The following GRIN2A variants were observed in gnomAD, a reference collection of about 807,000 sequenced individuals.
GRIN2A encodes glutamate receptor ionotropic, NMDA 2A.
In GRIN2A, 22 loss-of-function variants were observed where a neutral mutation model predicts 113.4. The ratio of observed to expected loss-of-function variants is 0.19; its 90% CI spans 0.14 to 0.28. The LOEUF (loss-of-function observed/expected upper bound fraction) is 0.28. GRIN2A is among the 10% of genes least tolerant of loss of function. The pLI, the probability that GRIN2A is intolerant of heterozygous loss-of-function variation, is 1.00. For synonymous variants in GRIN2A, 827 were observed against 738.4 expected, an observed-to-expected ratio of 1.12 and a Z score of -1.94; for missense variants, 1,502 against 1,887.0, an observed-to-expected ratio of 0.80 and a Z score of 3.78.
intron 2 of GRIN2A, 107 bp downstream of exon 2, chr16:10,179,891 C>CCCCCCCCA: frequency 1.4e-6 from 1 of 716,362 alleles, no homozygotes; most frequent in Non-Finnish European, 2.4e-6. Flanking sequence ...CACCCCCACC[C>CCCCCCCCA]CCACTTCACA....
At chr16:9,797,937 CT>C (rs1903101611) in intron 11 of GRIN2A, among the ~76,000 whole-genome samples, 2 of 152,160 alleles carry the variant, frequency 1.3e-5, no homozygotes, top group Non-Finnish European at 2.9e-5. Context: ...GCCCTTCACC[CT>C]TTGAGAACCA....
intron 3 of GRIN2A, among the ~76,000 whole-genome samples, chr16:9,933,463 C>G (rs550214063): frequency 6.6e-6 from 1 of 152,324 alleles, no homozygotes; most frequent in African/African-American, 2.4e-5. Flanking sequence ...AGTAACTCAC[C>G]ACGAAGATAT....
intron 2 of GRIN2A, among the ~76,000 whole-genome samples, chr16:10,166,828 C>T (rs1397038281): frequency 6.6e-6 from 1 of 152,170 alleles, no homozygotes; most frequent in Non-Finnish European, 1.5e-5. Flanking sequence ...TCCTCCTCAG[C>T]CTCCTCAATG....
chr16:9,869,485 T>A (rs1402905201), intron 4 of GRIN2A, among the ~76,000 whole-genome samples: 1 of 152,078 alleles, frequency 6.6e-6, no homozygotes, highest in Non-Finnish European at 1.5e-5. Context: ...ATGACCACCA[T>A]AACTATGATC....
intron 2 of GRIN2A, among the ~76,000 whole-genome samples, chr16:9,979,011 G>T (rs1297606089): frequency 2.6e-5 from 4 of 152,166 alleles, no homozygotes; most frequent in Admixed American, 2.6e-4. Context: ...TTGATTTCAG[G>T]AGCATGTGGG....
chr16:9,926,947 C>T (rs2044478902), intron 3 of GRIN2A, among the ~76,000 whole-genome samples: 1 of 150,802 alleles, frequency 6.6e-6, no homozygotes, highest in Non-Finnish European at 1.5e-5. Context: ...AAAACATGCA[C>T]ACAACACAGG....
Position 9,758,888 on chromosome 16 carries a change from C to G in GRIN2A, c.*4261G>C. 1 of 219,294 alleles carries G rather than the reference C, an allele frequency of 4.6e-6. No homozygotes were observed. The allele number at this position is 219,294 out of a possible 1,614,324, so 13.6% of individuals were successfully genotyped here. A position where few individuals can be genotyped will look rare whatever the true frequency, so the allele number is the denominator to read the frequency against. On this transcript the variant is annotated 3_prime_UTR_variant, in exon 13 of 13. Transcript: ENST00000330684. The stretch of plus-strand genomic sequence containing the variant: ...TTGTCTCCAGTGAAAATAAACAGTA[C>G]TTTTGGAAGGAAAATTGCCTTTACA...
At chr16:10,150,184 A>C (rs994065983) in intron 2 of GRIN2A, among the ~76,000 whole-genome samples, 2 of 152,226 alleles carry the variant, frequency 1.3e-5, no homozygotes, top group African/African-American at 4.8e-5. Flanking sequence ...GCAGTTCACT[A>C]CTTATGGAGA....
intron 2 of GRIN2A, among the ~76,000 whole-genome samples, chr16:9,978,295 C>G (rs1459089307): frequency 1.3e-5 from 2 of 152,156 alleles, no homozygotes. Context: ...TTACAGGGAC[C>G]TGGCTCAGCC....
At chr16:9,899,440 C>CA (rs71157791) in intron 3 of GRIN2A, among the ~76,000 whole-genome samples, 328 of 6,198 alleles carry the variant, frequency 0.053, 95 homozygotes, top group Middle Eastern at 0.17. Flanking sequence ...AACTCCGTCT[C>CA]AAAAAAAAAA....
At position 9,793,698 on chromosome 16, in the gene GRIN2A, T is replaced by C. The variant is rs963966651; in HGVS notation, c.2356+4579A>G. On this transcript the variant is annotated intron_variant, in intron 11 of 12. Transcript: ENST00000330684. ...CCTTTATTCTTAAAGATACTAGTTA[T>C]GTCTCGTATTTCTCCTTGACCATTC... Among the ~76,000 whole-genome samples the C allele has an allele frequency of 2.0e-5, 3 of 152,250 alleles. 1 individual carries two copies. Among genetic ancestry groups the C allele is most frequent in the East Asian group, 3.8e-4 (2 of 5,200 alleles).
Position 9,764,379 on chromosome 16 carries a change from C to T in GRIN2A, c.3165G>A (p.Glu1055=). The change falls in exon 13 of 13, where the codon GAG becomes GAA. Residue 1055 remains glutamate, a synonymous_variant. Coordinates refer to ENST00000330684, the MANE Select transcript of GRIN2A (RefSeq NM_001134407.3). ...SLKSPRYLPE[E]MAHSDISETS... The stretch of plus-strand genomic sequence containing the variant: ...TTTCTGAAATGTCAGAGTGGGCCAT[C>T]TCTTCTGGAAGATACCTAGGGCTCT... 3 of 1,614,128 alleles carry T rather than the reference C, an allele frequency of 1.9e-6. No homozygotes were observed. In the South Asian group the frequency reaches 3.3e-5, roughly 18 times the overall value.
chr16:10,131,520 C>T (rs1034238045), intron 2 of GRIN2A, among the ~76,000 whole-genome samples: 18 of 151,346 alleles, frequency 1.2e-4, no homozygotes, highest in African/African-American at 4.4e-4. Flanking sequence ...AAGAGAGGGA[C>T]AGAGAGCACC....
intron 2 of GRIN2A, among the ~76,000 whole-genome samples, chr16:10,053,739 A>T (rs1350622066): frequency 6.6e-6 from 1 of 152,262 alleles, no homozygotes; most frequent in Non-Finnish European, 1.5e-5. Context: ...GAGCTGTATT[A>T]GTTGGTGCAA....
chr16:10,092,148 G>A (rs2048194721), intron 2 of GRIN2A, among the ~76,000 whole-genome samples: 1 of 152,334 alleles, frequency 6.6e-6, no homozygotes, highest in South Asian at 2.1e-4. Context: ...TTAGTCAAAT[G>A]AGGAGTCTTT....
chr16:9,922,313 A>T (rs900138132), intron 3 of GRIN2A, among the ~76,000 whole-genome samples: 3 of 143,508 alleles, frequency 2.1e-5, no homozygotes, highest in East Asian at 2.0e-4. Flanking sequence ...CTGCAGATTT[A>T]AAAAAAAAAA....
intron 7 of GRIN2A, among the ~76,000 whole-genome samples, chr16:9,835,181 G>A (rs1360587027): frequency 6.6e-6 from 1 of 152,160 alleles, no homozygotes; most frequent in Non-Finnish European, 1.5e-5. Flanking sequence ...GTTGGTAGCA[G>A]CCTTAAATGC....
At chr16:9,840,580 C>G in intron 7 of GRIN2A, 67 bp downstream of exon 7, 2 of 1,455,156 alleles carry the variant, frequency 1.4e-6, no homozygotes, top group East Asian at 2.3e-5. Context: ...TGGTCCCATC[C>G]TCTGAGCAAA....
chr16:9,987,913 G>C (rs34278992), intron 2 of GRIN2A, among the ~76,000 whole-genome samples: 16,563 of 152,212 alleles, frequency 0.11, 1,163 homozygotes, highest in Non-Finnish European at 0.14. Context: ...CTACCCAGGA[G>C]ATAAATCCAA....
Sources: allele counts gnomAD v4.1 joint callset (sites outside exome capture counted in the v4.1 genomes callset), GRCh38; gene constraint gnomAD v4.1.1; transcripts MANE v1.5; gene names NCBI Gene and HGNC (gene_info 2026-07-23, HGNC 2026-07-21).